The following CMSS1 variants were observed in gnomAD, a reference collection of about 807,000 sequenced individuals.
CMSS1 encodes cms1 ribosomal small subunit homolog.
CMSS1 carries 33 observed loss-of-function variants against 43.5 expected under a neutral mutation model. The ratio of observed to expected loss-of-function variants is 0.76; its 90% CI spans 0.57 to 1.01. The LOEUF is 1.01. Among genes scored for constraint, CMSS1 ranks in the 50% least tolerant of loss-of-function variants. The pLI is 0.00. For synonymous variants in CMSS1, 115 were observed against 117.2 expected (o/e 0.98, Z 0.12); for missense variants, 313 against 326.4 (o/e 0.96, Z 0.32).
chr3:100,108,165 CT>C (rs1397672609), intron 1 of CMSS1, among the ~76,000 whole-genome samples: 1 of 152,116 alleles, frequency 6.6e-6, no homozygotes, highest in East Asian at 1.9e-4. Flanking sequence ...TAGCCCATGG[CT>C]TCTTAATTCG....
intron 1 of CMSS1, among the ~76,000 whole-genome samples, chr3:100,139,529 ATGTGTGTGTGTGTG>A (rs201315535): frequency 2.2e-4 from 28 of 129,356 alleles, no homozygotes; most frequent in African/African-American, 3.9e-4. Context: ...TAAAAAAAAA[ATGTGTGTGTGTGTG>A]TGTGTGTGTG....
At chr3:99,981,479 A>G (rs1318802635) in intron 1 of CMSS1, among the ~76,000 whole-genome samples, 2 of 152,178 alleles carry the variant, frequency 1.3e-5, no homozygotes, top group Non-Finnish European at 2.9e-5. Flanking sequence ...AGCACTCACA[A>G]TGATACATGA....
At chr3:99,907,850 T>C (rs1433671670) in intron 1 of CMSS1, among the ~76,000 whole-genome samples, 3 of 152,192 alleles carry the variant, frequency 2.0e-5, no homozygotes, top group African/African-American at 7.2e-5. Context: ...AGTGATCACC[T>C]CTTTTTCCAC....
intron 2 of CMSS1, among the ~76,000 whole-genome samples, chr3:100,151,636 G>A (rs1002979864): frequency 3.3e-5 from 5 of 152,236 alleles, no homozygotes; most frequent in African/African-American, 1.2e-4. Flanking sequence ...CATATTAAGC[G>A]AGTTAGTAAA....
At chr3:99,960,653 G>T (rs1309974835) in intron 1 of CMSS1, among the ~76,000 whole-genome samples, 1 of 152,166 alleles carries the variant, frequency 6.6e-6, no homozygotes. Context: ...CAAGGTAGGG[G>T]AGAAGTAGGG....
chr3:100,073,126 T>C (rs1186649721), intron 1 of CMSS1, among the ~76,000 whole-genome samples: 1 of 152,238 alleles, frequency 6.6e-6, no homozygotes, highest in African/African-American at 2.4e-5. Context: ...AAGAATGCTG[T>C]TATATTATAG....
At chr3:99,820,004 C>T (rs908473170) in intron 1 of CMSS1, among the ~76,000 whole-genome samples, 16 of 151,696 alleles carry the variant, frequency 1.1e-4, no homozygotes, top group African/African-American at 3.9e-4. Flanking sequence ...CTGCCCACCT[C>T]GGCCTCCCAA....
At chr3:99,960,310 T>G (rs1708453636) in intron 1 of CMSS1, among the ~76,000 whole-genome samples, 2 of 152,166 alleles carry the variant, frequency 1.3e-5, no homozygotes, top group Non-Finnish European at 2.9e-5. Context: ...ATCCCCATTT[T>G]ACAGATGAGG....
chr3:99,917,863 T>C (rs1375929239), intron 1 of CMSS1, among the ~76,000 whole-genome samples: 2 of 152,224 alleles, frequency 1.3e-5, no homozygotes, highest in African/African-American at 2.4e-5. Flanking sequence ...AATCCTAGGC[T>C]TGAGGTAAAA....
At chr3:99,992,271 A>G (rs947803601) in intron 1 of CMSS1, among the ~76,000 whole-genome samples, 1 of 152,030 alleles carries the variant, frequency 6.6e-6, no homozygotes, top group African/African-American at 2.4e-5. Flanking sequence ...GGTTGTACTA[A>G]TTTACATTCC....
At chr3:99,948,543 G>T (rs1178309446) in intron 1 of CMSS1, among the ~76,000 whole-genome samples, 1 of 147,972 alleles carries the variant, frequency 6.8e-6, no homozygotes, top group Admixed American at 6.8e-5. Context: ...GGGGAAGGGA[G>T]GGGGAGGGGG....
Position 99,891,115 on chromosome 3 carries a change from A to G in CMSS1, c.64+73072A>G, listed in dbSNP as rs74774083. On this transcript the variant is annotated intron_variant, in intron 1 of 9. Coordinates refer to ENST00000421999, the MANE Select transcript of CMSS1 (RefSeq NM_032359.4). The stretch of plus-strand genomic sequence containing the variant: ...GAATCTGCAAATTCTCGTGTGGGCT[A>G]GCTTGTTAGTATACCTTCTCAGTGG... Among the ~76,000 whole-genome samples, 425 of 151,270 alleles carry G rather than the reference A, an allele frequency of 2.8e-3. 1 individual carries two copies. Among genetic ancestry groups the G allele is most frequent in the African/African-American group, 0.01 (413 of 41,238 alleles).
At chr3:100,152,543 G>A (rs183549164) in intron 2 of CMSS1, among the ~76,000 whole-genome samples, 1 of 152,240 alleles carries the variant, frequency 6.6e-6, no homozygotes, top group African/African-American at 2.4e-5. Flanking sequence ...TTTATTTAAA[G>A]CGCTCCTATG....
chr3:99,922,339 A>G (rs1707151059), intron 1 of CMSS1, among the ~76,000 whole-genome samples: 1 of 152,202 alleles, frequency 6.6e-6, no homozygotes, highest in South Asian at 2.1e-4. Context: ...GTCTGAGTCA[A>G]ATGTTTCTTT....
chr3:99,934,486 G>A (rs1334893060), intron 1 of CMSS1, among the ~76,000 whole-genome samples: 1 of 152,114 alleles, frequency 6.6e-6, no homozygotes, highest in Non-Finnish European at 1.5e-5. Flanking sequence ...ACATAGTCCT[G>A]TGTGGAACAA....
At chr3:99,965,933 C>T (rs892603278) in intron 1 of CMSS1, among the ~76,000 whole-genome samples, 1 of 152,160 alleles carries the variant, frequency 6.6e-6, no homozygotes, top group Non-Finnish European at 1.5e-5. Context: ...TCCTGTCCCG[C>T]CTGCCACCAG....
chr3:99,934,138 C>G (rs1278206938), intron 1 of CMSS1, among the ~76,000 whole-genome samples: 1 of 152,158 alleles, frequency 6.6e-6, no homozygotes, highest in Non-Finnish European at 1.5e-5. Flanking sequence ...GGATAACATT[C>G]CAAGAACGTG....
intron 1 of CMSS1, among the ~76,000 whole-genome samples, chr3:99,881,604 C>T (rs1348916327): frequency 6.6e-6 from 1 of 151,866 alleles, no homozygotes; most frequent in African/African-American, 2.4e-5. Flanking sequence ...GCAAGCTCGG[C>T]TCACTGCAAC....
chr3:100,075,663 T>C (rs893135761), intron 1 of CMSS1: 3 of 151,992 alleles, frequency 2.0e-5, no homozygotes, highest in African/African-American at 7.2e-5. Context: ...TGAAGCAACA[T>C]CTATAATATA....
Sources: allele counts gnomAD v4.1 joint callset (sites outside exome capture counted in the v4.1 genomes callset), GRCh38; gene constraint gnomAD v4.1.1; transcripts MANE v1.5; gene names NCBI Gene and HGNC (gene_info 2026-07-23, HGNC 2026-07-21).